AVIL: variants seen among roughly 807,000 people sequenced by gnomAD.
The protein encoded by AVIL is advillin.
Under a neutral mutation model 109.9 loss-of-function variants are expected in AVIL, and 78 were observed. The observed-to-expected ratio is 0.71, with a 90% CI of 0.59 to 0.86. AVIL has a LOEUF of 0.86. Among genes scored for constraint, AVIL ranks in the 40% least tolerant of loss-of-function variants. The pLI is 0.00. For missense variants in AVIL, 892 were observed against 1,016.5 expected, an observed-to-expected ratio of 0.88 and a Z score of 1.67; for synonymous variants, 367 against 379.1, an observed-to-expected ratio of 0.97 and a Z score of 0.37.
intron 5 of AVIL, 24 bp downstream of exon 5, chr12:57,810,995 G>A (rs374408011): frequency 3.7e-6 from 6 of 1,613,936 alleles, no homozygotes; most frequent in Non-Finnish European, 5.1e-6. Context: ...CCCGGGCCTG[G>A]GGCAGAGAGT....
intron 17 of AVIL, 143 bp from the exon 18 acceptor site, chr12:57,801,355 C>A: frequency 4.8e-6 from 3 of 624,648 alleles, no homozygotes; most frequent in Non-Finnish European, 8.3e-6. Context: ...GAAAATCCCC[C>A]CTTTTGGGTC....
intron 18 of AVIL, 60 bp downstream of exon 18, chr12:57,801,084 G>A: frequency 7.1e-7 from 1 of 1,406,536 alleles, no homozygotes; most frequent in Non-Finnish European, 1.0e-6. Flanking sequence ...TAGCATTTGT[G>A]TGTTCTCTGG....
intron 11 of AVIL, 53 bp downstream of exon 11, chr12:57,808,141 A>G: frequency 1.3e-6 from 2 of 1,581,760 alleles, no homozygotes; most frequent in South Asian, 2.2e-5. Flanking sequence ...CCCCAGCAGG[A>G]CAGCCATGAA....
intron 14 of AVIL, 60 bp downstream of exon 14, chr12:57,806,300 G>T: frequency 6.3e-7 from 1 of 1,582,782 alleles, no homozygotes; most frequent in South Asian, 1.1e-5. Context: ...CTGACAGGAG[G>T]AGGGGAGTGC....
intron 2 of AVIL, 78 bp downstream of exon 2, chr12:57,815,897 G>C (rs1398011683): frequency 6.2e-7 from 1 of 1,604,916 alleles, no homozygotes; most frequent in East Asian, 2.2e-5. Context: ...CTGGCGGGCT[G>C]TTGCCTAGCA....
intron 16 of AVIL, among the ~76,000 whole-genome samples, chr12:57,802,988 A>G (rs1381695166): frequency 6.6e-6 from 1 of 152,194 alleles, no homozygotes; most frequent in Non-Finnish European, 1.5e-5. Context: ...AAATGATGAT[A>G]GGATGATGAT....
At chr12:57,807,923 TC>T in intron 11 of AVIL, 196 bp from the exon 12 acceptor site, 1 of 868,634 alleles carries the variant, frequency 1.2e-6, no homozygotes, top group East Asian at 2.6e-5. Flanking sequence ...GCCATCCTGT[TC>T]AGGAGCATCC....
Position 57,807,999 on chromosome 12 carries a change from A to T in AVIL, c.1194+195T>A. On this transcript the variant is annotated intron_variant, in intron 11 of 19. Coordinates refer to ENST00000549994, the MANE Select transcript of AVIL (RefSeq NM_006576.4). The stretch of plus-strand genomic sequence containing the variant: ...AATATATCTTCCAGGTGAGATATTG[A>T]TAGCACATTTGAGGATGTGCCTTTC... The T allele has an allele frequency of 3.8e-6, 3 of 795,324 alleles. No homozygotes were observed. The South Asian group carries it at 4.3e-5, about 11-fold the overall frequency. The allele number at this position is 795,324 out of a possible 1,614,324, so 49.3% of individuals were successfully genotyped here.
At chr12:57,799,956 C>T in intron 18 of AVIL, 36 bp from the exon 19 acceptor site, 5 of 1,612,374 alleles carry the variant, frequency 3.1e-6, no homozygotes, top group Non-Finnish European at 4.2e-6. Flanking sequence ...AGGGAAAAGA[C>T]TCCTCAGTGT....
Position 57,814,232 on chromosome 12 carries a change from A to T in AVIL, c.67-6T>A. The T allele has an allele frequency of 6.2e-7, 1 of 1,611,470 alleles. No homozygotes were observed. Among genetic ancestry groups the T allele is most frequent in the Non-Finnish European group, 8.5e-7 (1 of 1,179,156 alleles). On this transcript the variant is annotated splice_region_variant and splice_polypyrimidine_tract_variant and intron_variant, in intron 2 of 19. Coordinates refer to ENST00000549994, the MANE Select transcript of AVIL (RefSeq NM_006576.4). ...ACCAGCGCCAGCTCCATTTTCTGGA[A>T]GGACAAGGGGTGGGTATAGGCTACA...
chr12:57,809,963 GGTTTGGTTTTA>G, intron 7 of AVIL, 73 bp from the exon 8 acceptor site: 2 of 1,532,262 alleles, frequency 1.3e-6, no homozygotes, highest in Non-Finnish European at 1.8e-6. Flanking sequence ...ATGTTGTTCT[GGTTTGGTTTTA>G]GTTTGGAGTT....
chr12:57,797,828 T>C lies in AVIL; in HGVS notation c.*54A>G. On this transcript the variant is annotated 3_prime_UTR_variant, in exon 20 of 20. Transcript: ENST00000549994. ...TTGGTGGATAAATTATTTCCTGATA[T>C]TGGCACTATCTGCTCTTTTCTGTGG... 1 of 1,330,600 alleles carries C rather than the reference T, an allele frequency of 7.5e-7. No individual in the cohort carries two copies. The highest frequency in any genetic ancestry group is 1.5e-5 in the African/African-American group (1 of 66,912). 82.4% of individuals were successfully genotyped at this position (1,330,600 alleles called of 1,614,324 possible). A position where few individuals can be genotyped will look rare whatever the true frequency, so the allele number is the denominator to read the frequency against.
rs1332349761 is a variant in AVIL, at chr12:57,803,396, A to G, written c.1818-5T>C. ...TCTAGGATTTCCTGCTGAAGTCTGC[A>G]ATATAGTCCATTTAAGGGCATCAAG... On this transcript the variant is annotated splice_region_variant and splice_polypyrimidine_tract_variant and intron_variant, in intron 15 of 19. Coordinates refer to ENST00000549994, the MANE Select transcript of AVIL (RefSeq NM_006576.4). 5 of 1,614,226 alleles carry G rather than the reference A, an allele frequency of 3.1e-6. No homozygotes were observed. The highest frequency in any genetic ancestry group is 4.2e-6 in the Non-Finnish European group (5 of 1,180,040).
chr12:57,813,511 T>G, intron 3 of AVIL, 88 bp from the exon 4 acceptor site: 1 of 1,338,186 alleles, frequency 7.5e-7, no homozygotes, highest in South Asian at 1.3e-5. Flanking sequence ...GCAGCACATG[T>G]GCATGCCCTT....
At chr12:57,806,217 C>G in intron 14 of AVIL, 143 bp downstream of exon 14, 1 of 689,270 alleles carries the variant, frequency 1.5e-6, no homozygotes, top group Non-Finnish European at 2.5e-6. Context: ...CTAATCTTCT[C>G]TGTATCATTC....
chr12:57,803,564 C>T lies in AVIL; in HGVS notation c.1777G>A (p.Asp593Asn), dbSNP rs1955892399. The change falls in exon 15 of 20, where the codon GAC becomes AAC. Residue 593 changes from aspartate (D) to asparagine (N), a missense_variant. Coordinates refer to ENST00000549994, the MANE Select transcript of AVIL (RefSeq NM_006576.4). ...AEGQEPAEFW[D>N]LLGGKTPYAN... ...TAGGGAGTTTTCCCTCCCAGTAGGT[C>T]CCAGAACTCGGCTGGCTCCTGGCCC... The T allele has an allele frequency of 6.2e-7, 1 of 1,614,032 alleles. No individual in the cohort carries two copies. The highest frequency in any genetic ancestry group is 8.5e-7 in the Non-Finnish European group (1 of 1,180,022).
intron 3 of AVIL, among the ~76,000 whole-genome samples, 179 bp downstream of exon 3, chr12:57,813,973 A>G (rs1290670988): frequency 2.0e-5 from 3 of 151,956 alleles, no homozygotes; most frequent in African/African-American, 7.3e-5. Flanking sequence ...AGCATTAAAA[A>G]CCCAGGCTTA....
chr12:57,802,073 C>G (rs142678028), intron 17 of AVIL, 87 bp downstream of exon 17: 5 of 1,442,278 alleles, frequency 3.5e-6, no homozygotes, highest in Non-Finnish European at 4.8e-6. Context: ...TTCACTGAGC[C>G]GTGAATCAGT....
chr12:57,802,031 G>A, intron 17 of AVIL, 129 bp downstream of exon 17: 1 of 1,056,814 alleles, frequency 9.5e-7, no homozygotes, highest in Non-Finnish European at 1.3e-6. Context: ...AAGGCAGGGA[G>A]TGGGATGGGA....
Sources: allele counts gnomAD v4.1 joint callset (sites outside exome capture counted in the v4.1 genomes callset), GRCh38; gene constraint gnomAD v4.1.1; transcripts MANE v1.5; gene names NCBI Gene and HGNC (gene_info 2026-07-23, HGNC 2026-07-21).